Variants in SPOCK1 observed in about 807,000 individuals in gnomAD.
SPOCK1 encodes the protein SPARC (osteonectin), cwcv and kazal like domains proteoglycan 1.
In SPOCK1, 23 loss-of-function variants were observed where a neutral mutation model predicts 55.3. The ratio of observed to expected loss-of-function variants is 0.42; its 90% CI spans 0.30 to 0.59. The LOEUF is 0.59. Among genes scored for constraint, SPOCK1 ranks in the 20% least tolerant of loss-of-function variants. The probability of loss-of-function intolerance (pLI) is 0.22; values close to 1 mark genes in which losing one functional copy is unlikely to be tolerated. For missense variants in SPOCK1, 499 were observed against 552.5 expected, an observed-to-expected ratio of 0.90 and a Z score of 0.97; for synonymous variants, 226 against 221.0, an observed-to-expected ratio of 1.02 and a Z score of -0.20.
chr5:137,460,086 C>G (rs187645149), intron 2 of SPOCK1, among the ~76,000 whole-genome samples: 3 of 152,260 alleles, frequency 2.0e-5, no homozygotes, highest in Admixed American at 6.5e-5. Context: ...CCTTGAAATC[C>G]AAGCTAAGAG....
intron 2 of SPOCK1, 118 bp downstream of exon 2, chr5:137,498,254 TC>T: frequency 2.0e-6 from 2 of 1,017,380 alleles, no homozygotes; most frequent in Non-Finnish European, 2.6e-6. Context: ...TGCCCACCTG[TC>T]CCCCTCCCAA....
intron 5 of SPOCK1, 48 bp downstream of exon 5, chr5:137,112,387 A>G: frequency 1.2e-6 from 2 of 1,600,964 alleles, no homozygotes; most frequent in Non-Finnish European, 1.7e-6. Flanking sequence ...TGTTAGAACA[A>G]GCCGACATGA....
At chr5:137,276,114 C>T (rs982970000) in intron 2 of SPOCK1, among the ~76,000 whole-genome samples, 1 of 152,366 alleles carries the variant, frequency 6.6e-6, no homozygotes, top group South Asian at 2.1e-4. Context: ...GCTCACAGGA[C>T]TTCTGTGCCC....
intron 3 of SPOCK1, among the ~76,000 whole-genome samples, chr5:137,186,274 G>A (rs1017832751): frequency 4.6e-5 from 7 of 152,216 alleles, no homozygotes; most frequent in African/African-American, 1.7e-4. Context: ...ATCAGTACAT[G>A]ATCACAGAGA....
chr5:137,013,181 A>G (rs960791288), intron 6 of SPOCK1, among the ~76,000 whole-genome samples: 25 of 152,164 alleles, frequency 1.6e-4, no homozygotes, highest in African/African-American at 6.0e-4. Context: ...AATTTTCTAC[A>G]ATTAACATTG....
At position 136,978,621 on chromosome 5, in the gene SPOCK1, T is replaced by A. The variant is rs1750662262; in HGVS notation, c.*33A>T. ...AGGAATAGGAAGTGACTTGCAATTT[T>A]GTGCAAAACTTGTGTCCTCTTTCTT... On this transcript the variant is annotated 3_prime_UTR_variant, in exon 11 of 11. Coordinates refer to ENST00000394945, the MANE Select transcript of SPOCK1 (RefSeq NM_004598.4). 6.4e-7 allele frequency: 1 copy of A among 1,558,524 alleles called. No homozygotes were observed.
intron 2 of SPOCK1, among the ~76,000 whole-genome samples, chr5:137,447,958 A>G (rs943511343): frequency 1.3e-5 from 2 of 152,210 alleles, no homozygotes; most frequent in African/African-American, 4.8e-5. Context: ...GTATTAAAAA[A>G]TAAATACAGC....
intron 3 of SPOCK1, among the ~76,000 whole-genome samples, chr5:137,159,588 G>A (rs1367752951): frequency 6.6e-6 from 1 of 151,366 alleles, no homozygotes. Flanking sequence ...AGAACATGCA[G>A]TATTTGGTTT....
chr5:137,131,140 A>C (rs1465513511), intron 4 of SPOCK1, among the ~76,000 whole-genome samples: 2 of 152,216 alleles, frequency 1.3e-5, no homozygotes, highest in African/African-American at 4.8e-5. Context: ...TGGTTGGATT[A>C]ATCTGATATA....
At chr5:136,991,002 C>T (rs760869411) in intron 7 of SPOCK1, among the ~76,000 whole-genome samples, 2 of 152,088 alleles carry the variant, frequency 1.3e-5, no homozygotes, top group Non-Finnish European at 2.9e-5. Flanking sequence ...ACTCAAATGC[C>T]GCTCACTCCT....
intron 2 of SPOCK1, among the ~76,000 whole-genome samples, chr5:137,389,366 G>C (rs577999573): frequency 6.6e-6 from 1 of 152,108 alleles, no homozygotes; most frequent in Non-Finnish European, 1.5e-5. Context: ...AATACTACTC[G>C]GATTTGTATT....
chr5:137,468,076 CA>C (rs1471144742), intron 2 of SPOCK1, among the ~76,000 whole-genome samples: 5 of 152,270 alleles, frequency 3.3e-5, no homozygotes, highest in African/African-American at 1.2e-4. Flanking sequence ...TACAATAGGA[CA>C]CACTGTCCCT....
intron 2 of SPOCK1, among the ~76,000 whole-genome samples, chr5:137,343,821 G>A (rs1750493935): frequency 6.6e-6 from 1 of 152,150 alleles, no homozygotes; most frequent in Admixed American, 6.5e-5. Flanking sequence ...AGGTGCTGGG[G>A]GCTACTGACA....
At chr5:137,139,349 A>G (rs558693654) in intron 4 of SPOCK1, among the ~76,000 whole-genome samples, 62 of 152,288 alleles carry the variant, frequency 4.1e-4, no homozygotes, top group African/African-American at 1.4e-3. Flanking sequence ...CAGGAGCACC[A>G]TTTCTCTGCC....
intron 3 of SPOCK1, among the ~76,000 whole-genome samples, chr5:137,192,739 T>C (rs1019016168): frequency 1.3e-5 from 2 of 152,146 alleles, no homozygotes; most frequent in African/African-American, 4.8e-5. Context: ...GCAGCTAAAG[T>C]GAATGAGCTA....
chr5:137,438,397 T>C (rs1361662682), intron 2 of SPOCK1, among the ~76,000 whole-genome samples: 1 of 152,086 alleles, frequency 6.6e-6, no homozygotes, highest in Admixed American at 6.5e-5. Flanking sequence ...CCTTGCCTAA[T>C]AGAAGGAAGA....
intron 6 of SPOCK1, among the ~76,000 whole-genome samples, chr5:137,004,618 A>G (rs1311666721): frequency 6.6e-6 from 1 of 152,176 alleles, no homozygotes; most frequent in African/African-American, 2.4e-5. Context: ...GAGATCCAGT[A>G]TCTAACAACA....
At chr5:137,147,457 G>C (rs1260339396) in intron 3 of SPOCK1, among the ~76,000 whole-genome samples, 2 of 152,160 alleles carry the variant, frequency 1.3e-5, no homozygotes, top group Non-Finnish European at 2.9e-5. Context: ...ACAGTGCTGG[G>C]GACTAGAAGT....
At chr5:137,114,179 A>G (rs1248563760) in intron 4 of SPOCK1, among the ~76,000 whole-genome samples, 2 of 152,196 alleles carry the variant, frequency 1.3e-5, no homozygotes, top group Non-Finnish European at 2.9e-5. Flanking sequence ...CTAACCACAG[A>G]ACCAGAGAAG....
Sources: gnomAD v4.1 joint callset for allele counts (sites outside exome capture counted in the v4.1 genomes callset) on GRCh38, gnomAD v4.1.1 for gene constraint, MANE v1.5 for transcripts, NCBI Gene and HGNC (gene_info 2026-07-23, HGNC 2026-07-21) for gene names.